The following AVP variants were observed in gnomAD, a reference collection of about 807,000 sequenced individuals.
AVP encodes vasopressin-neurophysin 2-copeptin.
A neutral mutation model predicts 11.1 loss-of-function variants in AVP; 9 were observed. The observed-to-expected ratio is 0.81, with a 90% CI of 0.49 to 1.42. The LOEUF is 1.42. Ranked by LOEUF, AVP falls within the 40% of genes most tolerant of loss-of-function variation. The pLI is 0.00. For missense variants in AVP, 206 were observed against 238.5 expected (o/e 0.86, Z 0.90); for synonymous variants, 106 against 111.3 (o/e 0.95, Z 0.30).
Position 3,082,857 on chromosome 20 carries a change from C to CG in AVP, c.323-56dup. The CG allele has an allele frequency of 2.5e-6, 3 of 1,218,312 alleles. No individual in the cohort carries two copies. Among genetic ancestry groups the CG allele is most frequent in the Non-Finnish European group, 3.1e-6 (3 of 980,100 alleles). 75.5% of individuals were successfully genotyped at this position (1,218,312 alleles called of 1,614,324 possible). A position where few individuals can be genotyped will look rare whatever the true frequency, so the allele number is the denominator to read the frequency against. Reference sequence around the variant, plus strand: ...CCTGGGGCGGGCGCAGCTCGGGGTGCGGGGGGCCCACACCCTCCCTGCCGG... The same window carrying CG: ...CCTGGGGCGGGCGCAGCTCGGGGTGCGGGGGGGCCCACACCCTCCCTGCCGG... On this transcript the variant is annotated intron_variant, in intron 2 of 2. Coordinates refer to ENST00000380293, the MANE Select transcript of AVP (RefSeq NM_000490.5). The surrounding 1 kb of genome is among the most constrained non-coding windows in gnomAD (Gnocchi z 4.7).
In AVP at chr20:3,083,849, G is replaced by A. The variant is rs763216644; in HGVS notation, c.121-671C>T. On this transcript the variant is annotated intron_variant, in intron 1 of 2. Coordinates refer to ENST00000380293, the MANE Select transcript of AVP (RefSeq NM_000490.5). This position sits in a 1 kb window ranked among gnomAD's most constrained non-coding sequence, Gnocchi z 5.4. ...AGAGAGGCTGCGGGGGTTGCCGAGC[G>A]GCCACTCTCATCTGCTCAACAGCCG... is the stretch of plus-strand genomic sequence containing the variant. Among the ~76,000 whole-genome samples, 2 of 152,164 alleles carry A rather than the reference G, an allele frequency of 1.3e-5. No homozygotes were observed. The highest frequency in any genetic ancestry group is 2.4e-5 in the African/African-American group (1 of 41,436).
Position 3,082,675 on chromosome 20 carries a change from G to A in AVP, c.450C>T (p.Ala150=), listed in dbSNP as rs1188536501. The change falls in exon 3 of 3, where the codon GCC becomes GCT. Residue 150 remains alanine, a synonymous_variant. Coordinates refer to ENST00000380293, the MANE Select transcript of AVP (RefSeq NM_000490.5). This position sits in a 1 kb window ranked among gnomAD's most constrained non-coding sequence, Gnocchi z 4.7. ...CGGGCTCGAAGGGCTCGGGCGCCCCGGCCAGCTGCACCAGCCGCAGCAGCA... is the reference window on the plus strand; with the variant it reads ...CGGGCTCGAAGGGCTCGGGCGCCCCAGCCAGCTGCACCAGCCGCAGCAGCA... ...GALLLRLVQL[A]GAPEPFEPAQ... 3.1e-6 allele frequency: 4 copies of A among 1,285,154 alleles called. No homozygotes were observed. In the African/African-American group the frequency reaches 4.7e-5, roughly 15 times the overall value. The allele number at this position is 1,285,154 out of a possible 1,614,324, so 79.6% of individuals were successfully genotyped here.
chr20:3,082,711 C>T lies in AVP; in HGVS notation c.414G>A (p.Pro138=), dbSNP rs1223764468. The T allele has an allele frequency of 3.1e-6, 4 of 1,290,168 alleles. No individual in the cohort carries two copies. The highest frequency in any genetic ancestry group is 9.8e-7 in the Non-Finnish European group (1 of 1,022,200). 79.9% of individuals were successfully genotyped at this position (1,290,168 alleles called of 1,614,324 possible). ...DRSNATQLDG[P]AGALLLRLVQ... ...CCAGCCGCAGCAGCAAGGCCCCGGC[C>T]GGCCCGTCCAGCTGCGTGGCGTTGC... The change falls in exon 3 of 3, where the codon CCG becomes CCA. Residue 138 remains proline (P), a synonymous_variant. Transcript: ENST00000380293. The surrounding 1 kb of genome is among the most constrained non-coding windows in gnomAD (Gnocchi z 4.7).
chr20:3,084,340 G>C lies in AVP; in HGVS notation c.120+215C>G, dbSNP rs531844246. Among the ~76,000 whole-genome samples the C allele has an allele frequency of 2.2e-4, 33 of 152,332 alleles. No homozygotes were observed. The South Asian group carries it at 6.8e-3, about 32-fold the overall frequency. On this transcript the variant is annotated intron_variant, in intron 1 of 2. Coordinates refer to ENST00000380293, the MANE Select transcript of AVP (RefSeq NM_000490.5). ...GTCTGGATGGCGACAGTGACCAGGA[G>C]CGCCTTCAGCCTCTCCCAGCCTCCT... is the stretch of plus-strand genomic sequence containing the variant.
Position 3,083,739 on chromosome 20 carries a change from T to C in AVP, c.121-561A>G, listed in dbSNP as rs1263570824. 6.6e-6 allele frequency among the ~76,000 whole-genome samples: 1 copy of C among 152,032 alleles called. No homozygotes were observed. Among genetic ancestry groups the C allele is most frequent in the Non-Finnish European group, 1.5e-5 (1 of 68,012 alleles). ...CCCCTGCTCAGCCACCTATGACCTA[T>C]CAGGTGGGTGGCAGGGGCCTGAGAC... On this transcript the variant is annotated intron_variant, in intron 1 of 2. Transcript: ENST00000380293. The surrounding 1 kb of genome is among the most constrained non-coding windows in gnomAD (Gnocchi z 5.4).
At chr20:3,084,388 C>T (rs2066126979) in intron 1 of AVP, among the ~76,000 whole-genome samples, 167 bp downstream of exon 1, 1 of 152,190 alleles carries the variant, frequency 6.6e-6, no homozygotes, top group South Asian at 2.1e-4. Context: ...CCCCTCTGGC[C>T]CACCCCATTG....
Position 3,082,608 on chromosome 20 carries a change from G to A in AVP, c.*22C>T. 8.0e-7 allele frequency: 1 copy of A among 1,245,690 alleles called. No individual in the cohort carries two copies. The highest frequency in any genetic ancestry group is 1.0e-6 in the Non-Finnish European group (1 of 996,088). The allele number at this position is 1,245,690 out of a possible 1,614,324, so 77.2% of individuals were successfully genotyped here. On this transcript the variant is annotated 3_prime_UTR_variant, in exon 3 of 3. Coordinates refer to ENST00000380293, the MANE Select transcript of AVP (RefSeq NM_000490.5). This position sits in a 1 kb window ranked among gnomAD's most constrained non-coding sequence, Gnocchi z 4.7. ...CTGCAGGGGCGGGCGCGAAGAGCGC[G>A]CCGGTGGGGCGAGCGCGGGGCTCAG... is the stretch of plus-strand genomic sequence containing the variant.
rs1171972099 is a variant in AVP, at chr20:3,083,457, G to T, written c.121-279C>A. On this transcript the variant is annotated intron_variant, in intron 1 of 2. Coordinates refer to ENST00000380293, the MANE Select transcript of AVP (RefSeq NM_000490.5). The surrounding 1 kb of genome is among the most constrained non-coding windows in gnomAD (Gnocchi z 5.4). Reference sequence around the variant, plus strand: ...GGACGGGTCTCCCGTGGACTACAGCGTGGGGAACCCTTCCTCGAGCCTCGG... The same window carrying T: ...GGACGGGTCTCCCGTGGACTACAGCTTGGGGAACCCTTCCTCGAGCCTCGG... Among the ~76,000 whole-genome samples, 1 of 152,160 alleles carries T rather than the reference G, an allele frequency of 6.6e-6. No homozygotes were observed. Among genetic ancestry groups the T allele is most frequent in the African/African-American group, 2.4e-5 (1 of 41,432 alleles).
chr20:3,084,111 G>C (rs1181679389), intron 1 of AVP, among the ~76,000 whole-genome samples: 1 of 152,238 alleles, frequency 6.6e-6, no homozygotes, highest in Non-Finnish European at 1.5e-5. Context: ...GCCATCTTCT[G>C]TGTGGGGGCC....
chr20:3,084,449 C>A, intron 1 of AVP, 106 bp downstream of exon 1: 1 of 1,587,260 alleles, frequency 6.3e-7, no homozygotes, highest in South Asian at 1.1e-5. Context: ...CCGAACTTCC[C>A]CTAAAGGCTA....
Position 3,082,640 on chromosome 20 carries a change from T to C in AVP, c.485A>G (p.Asp162Gly). ...APEPFEPAQP[D>G]AY ...GGGCGAGCGCGGGGCTCAGTAGGCG[T>C]CGGGCTGGGCGGGCTCGAAGGGCTC... The change falls in exon 3 of 3, where the codon GAC (aspartate) becomes GGC (glycine). Residue 162 changes from aspartate to glycine, a missense_variant. Asp to Gly is a moderately conservative substitution (Grantham distance 94). Transcript: ENST00000380293. The surrounding 1 kb of genome is among the most constrained non-coding windows in gnomAD (Gnocchi z 4.7). 7.9e-7 allele frequency: 1 copy of C among 1,269,870 alleles called. No homozygotes were observed. Among genetic ancestry groups the C allele is most frequent in the East Asian group, 3.2e-5 (1 of 31,402 alleles). The allele number at this position is 1,269,870 out of a possible 1,614,324, so 78.7% of individuals were successfully genotyped here. A position where few individuals can be genotyped will look rare whatever the true frequency, so the allele number is the denominator to read the frequency against.
rs2066118790 is a variant in AVP, at chr20:3,082,979, T to C, written c.320A>G (p.Asp107Gly). Reference sequence around the variant, plus strand: ...CCAGGCCCGCCCCCGCCGCGCACCGTCGTTGCAGCAAACGCCGAAGGCGGC... The same window carrying C: ...CCAGGCCCGCCCCCGCCGCGCACCGCCGTTGCAGCAAACGCCGAAGGCGGC... The part of the protein sequence containing the change: ...RCAAFGVCCN[D>G]ESCVTEPECR... The change falls in exon 2 of 3, where the codon GAC becomes GGC. Residue 107 changes from aspartate (D) to glycine (G), a missense_variant and splice_region_variant. Physicochemically the swap from Asp to Gly is moderately conservative, Grantham distance 94. Transcript: ENST00000380293. This position sits in a 1 kb window ranked among gnomAD's most constrained non-coding sequence, Gnocchi z 4.7. 1.6e-6 allele frequency: 2 copies of C among 1,233,306 alleles called. No homozygotes were observed. Among genetic ancestry groups the C allele is most frequent in the Non-Finnish European group, 2.1e-6 (2 of 950,760 alleles). The allele number at this position is 1,233,306 out of a possible 1,614,324, so 76.4% of individuals were successfully genotyped here. A position where few individuals can be genotyped will look rare whatever the true frequency, so the allele number is the denominator to read the frequency against.
rs1439378383 is a variant in AVP at position 3,083,832 on chromosome 20, T to C, written c.121-654A>G. The stretch of plus-strand genomic sequence containing the variant: ...GGAGCCTAGCAGGAGGAAGAGAGGC[T>C]GCGGGGGTTGCCGAGCGGCCACTCT... On this transcript the variant is annotated intron_variant, in intron 1 of 2. Coordinates refer to ENST00000380293, the MANE Select transcript of AVP (RefSeq NM_000490.5). The surrounding 1 kb of genome is among the most constrained non-coding windows in gnomAD (Gnocchi z 5.4). Among the ~76,000 whole-genome samples the C allele has an allele frequency of 6.6e-6, 1 of 152,180 alleles. No individual in the cohort carries two copies. Among genetic ancestry groups the C allele is most frequent in the Non-Finnish European group, 1.5e-5 (1 of 68,030 alleles).
chr20:3,082,704 C>T lies in AVP; in HGVS notation c.421G>A (p.Ala141Thr), dbSNP rs759192862. 2.3e-6 allele frequency: 3 copies of T among 1,290,270 alleles called. No homozygotes were observed. Among genetic ancestry groups the T allele is most frequent in the East Asian group, 3.2e-5 (1 of 31,086 alleles). The allele number at this position is 1,290,270 out of a possible 1,614,324, so 79.9% of individuals were successfully genotyped here. Residue 141 changes from alanine to threonine, a missense_variant, in exon 3 of 3, where the codon GCC becomes ACC. Physicochemically the swap from Ala to Thr is moderately conservative, Grantham distance 58. Coordinates refer to ENST00000380293, the MANE Select transcript of AVP (RefSeq NM_000490.5). This position sits in a 1 kb window ranked among gnomAD's most constrained non-coding sequence, Gnocchi z 4.7. ...NATQLDGPAG[A>T]LLLRLVQLAG... ...AGCTGCACCAGCCGCAGCAGCAAGG[C>T]CCCGGCCGGCCCGTCCAGCTGCGTG... is the stretch of plus-strand genomic sequence containing the variant.
rs1006967676 is a variant in AVP, at chr20:3,083,680, C to G, written c.121-502G>C. On this transcript the variant is annotated intron_variant, in intron 1 of 2. Coordinates refer to ENST00000380293, the MANE Select transcript of AVP (RefSeq NM_000490.5). This position sits in a 1 kb window ranked among gnomAD's most constrained non-coding sequence, Gnocchi z 5.4. The stretch of plus-strand genomic sequence containing the variant: ...TCCTCTCTTGCCTTGCCCCTGGCCC[C>G]CGCCAAGCTTGTCGGCCTCAGCTGG... 6.6e-6 allele frequency among the ~76,000 whole-genome samples: 1 copy of G among 152,194 alleles called. No individual in the cohort carries two copies. The highest frequency in any genetic ancestry group is 6.5e-5 in the Admixed American group (1 of 15,276).
In AVP at chr20:3,083,071, C is replaced by T; in HGVS notation, c.228G>A (p.Gln76=). The T allele has an allele frequency of 1.9e-6, 3 of 1,563,720 alleles. No homozygotes were observed. Among genetic ancestry groups the T allele is most frequent in the Non-Finnish European group, 2.6e-6 (3 of 1,165,250 alleles). ...AGGGCGACGGCAGGTAGTTCTCCTC[C>T]TGGCAGCGCAGCGCCTCAGCCGTGC... ...FVGTAEALRC[Q]EENYLPSPCQ... The change falls in exon 2 of 3, where the codon CAG becomes CAA. Residue 76 remains glutamine (Q), a synonymous_variant. Coordinates refer to ENST00000380293, the MANE Select transcript of AVP (RefSeq NM_000490.5). This position sits in a 1 kb window ranked among gnomAD's most constrained non-coding sequence, Gnocchi z 5.4.
At position 3,083,212 on chromosome 20, in the gene AVP, G is replaced by T; in HGVS notation, c.121-34C>A. 1 of 1,440,880 alleles carries T rather than the reference G, an allele frequency of 6.9e-7. No individual in the cohort carries two copies. Among genetic ancestry groups the T allele is most frequent in the Non-Finnish European group, 9.1e-7 (1 of 1,096,706 alleles). 89.3% of individuals were successfully genotyped at this position (1,440,880 alleles called of 1,614,324 possible). ...ACGGGCGGGGTGAGCGGGAGGAGGGGAGCCGGGAGTCGAGGGGTTGGAGGG... is the reference window on the plus strand; with the variant it reads ...ACGGGCGGGGTGAGCGGGAGGAGGGTAGCCGGGAGTCGAGGGGTTGGAGGG... On this transcript the variant is annotated intron_variant, in intron 1 of 2. Coordinates refer to ENST00000380293, the MANE Select transcript of AVP (RefSeq NM_000490.5). This position sits in a 1 kb window ranked among gnomAD's most constrained non-coding sequence, Gnocchi z 5.4.
At chr20:3,084,453 A>C in intron 1 of AVP, 102 bp downstream of exon 1, 1 of 1,590,334 alleles carries the variant, frequency 6.3e-7, no homozygotes, top group Non-Finnish European at 8.5e-7. Flanking sequence ...ACTTCCCCTA[A>C]AGGCTACCAC....
intron 1 of AVP, among the ~76,000 whole-genome samples, chr20:3,084,108 T>C (rs189320871): frequency 3.7e-4 from 57 of 152,274 alleles, no homozygotes; most frequent in Middle Eastern, 3.4e-3. Flanking sequence ...GTGGCCATCT[T>C]CTGTGTGGGG....
Sources: gnomAD v4.1 joint callset for allele counts (sites outside exome capture counted in the v4.1 genomes callset) on GRCh38, gnomAD v4.1.1 for gene constraint, Gnocchi (gnomAD v3.1) non-coding constraint, MANE v1.5 for transcripts, NCBI Gene and HGNC (gene_info 2026-07-23, HGNC 2026-07-21) for gene names.